Variants in NELL2 observed in about 807,000 individuals in gnomAD.
NELL2 encodes neural EGFL like 2.
Under a neutral mutation model 109.6 loss-of-function variants are expected in NELL2, and 41 were observed. The ratio of observed to expected loss-of-function variants is 0.37; its 90% CI spans 0.29 to 0.49. The LOEUF is 0.49. Among genes scored for constraint, NELL2 ranks in the 20% least tolerant of loss-of-function variants. NELL2 has a pLI of 0.98. For synonymous variants in NELL2, 355 were observed against 344.7 expected (o/e 1.03, Z -0.33); for missense variants, 900 against 1,008.3 (o/e 0.89, Z 1.45).
At chr12:44,554,827 G>A (rs1943182834) in intron 15 of NELL2, among the ~76,000 whole-genome samples, 1 of 152,188 alleles carries the variant, frequency 6.6e-6, no homozygotes, top group Non-Finnish European at 1.5e-5. Flanking sequence ...TGGGAGAATT[G>A]AGGAGGGAGA....
At chr12:44,802,164 C>A (rs1418902380) in intron 3 of NELL2, among the ~76,000 whole-genome samples, 1 of 152,032 alleles carries the variant, frequency 6.6e-6, no homozygotes, top group Non-Finnish European at 1.5e-5. Context: ...TGTGATTGAG[C>A]AAAACTCCTG....
chr12:44,798,740 T>G (rs187893963), intron 3 of NELL2, among the ~76,000 whole-genome samples: 34 of 152,154 alleles, frequency 2.2e-4, no homozygotes, highest in Admixed American at 1.8e-3. Flanking sequence ...GGTATAGTAA[T>G]TAAATTGTGT....
At position 44,693,363 on chromosome 12, in the gene NELL2, C is replaced by T. The variant is rs1948959360; in HGVS notation, c.1318+10363G>A. Among the ~76,000 whole-genome samples, 6 of 152,260 alleles carry T rather than the reference C, an allele frequency of 3.9e-5. No homozygotes were observed. In the South Asian group the frequency reaches 1.2e-3, roughly 32 times the overall value. ...AGTGTAAATATAACTTTTATATGCA[C>T]TGGGAGACAAAACAGTCTATATGAC... On this transcript the variant is annotated intron_variant, in intron 12 of 19. Transcript: ENST00000429094.
intron 2 of NELL2, among the ~76,000 whole-genome samples, chr12:44,839,538 A>G (rs1207573984): frequency 6.6e-6 from 1 of 152,236 alleles, no homozygotes; most frequent in Admixed American, 6.5e-5. Flanking sequence ...CTATCCTAAG[A>G]ATAACAAAAA....
intron 9 of NELL2, among the ~76,000 whole-genome samples, chr12:44,730,272 C>T (rs1306495811): frequency 6.6e-6 from 1 of 152,072 alleles, no homozygotes; most frequent in East Asian, 1.9e-4. Context: ...ACTTGAAAAA[C>T]ACTATAGACT....
At chr12:44,758,141 C>G (rs968056535) in intron 9 of NELL2, among the ~76,000 whole-genome samples, 1 of 152,032 alleles carries the variant, frequency 6.6e-6, no homozygotes, top group Admixed American at 6.6e-5. Context: ...GAGACTGTCC[C>G]AGCTGAGAAT....
At chr12:44,528,718 A>G (rs1346396864) in intron 16 of NELL2, among the ~76,000 whole-genome samples, 2 of 152,222 alleles carry the variant, frequency 1.3e-5, no homozygotes, top group Non-Finnish European at 2.9e-5. Context: ...TACATACTAT[A>G]ATTTCAGGTG....
At chr12:44,736,445 A>T (rs184279807) in intron 9 of NELL2, among the ~76,000 whole-genome samples, 1 of 152,334 alleles carries the variant, frequency 6.6e-6, no homozygotes, top group East Asian at 1.9e-4. Context: ...TCTAAAGGGC[A>T]AAGTAGACAC....
At chr12:44,648,493 A>G (rs543580976) in intron 13 of NELL2, among the ~76,000 whole-genome samples, 26 of 152,002 alleles carry the variant, frequency 1.7e-4, no homozygotes, top group Non-Finnish European at 2.9e-4. Context: ...CTGCTCTACT[A>G]AGGTGTGTGA....
Position 44,566,566 on chromosome 12 carries a change from C to CACACACACACACACACAG in NELL2, c.1664-33846_1664-33845insCTGTGTGTGTGTGTGTGT, listed in dbSNP as rs377368706. 1.5e-3 allele frequency among the ~76,000 whole-genome samples: 214 copies of CACACACACACACACACAG among 138,504 alleles called. 1 individual carries two copies. Among genetic ancestry groups the CACACACACACACACACAG allele is most frequent in the African/African-American group, 5.2e-3 (203 of 38,742 alleles). 90.9% of individuals were successfully genotyped at this position (138,504 alleles called of 152,430 possible). The stretch of plus-strand genomic sequence containing the variant: ...ACACACACACACACACACACACACA[C>CACACACACACACACACAG]AGAGTTTTATGAATAGCAATAGGAG... On this transcript the variant is annotated intron_variant, in intron 15 of 19. Coordinates refer to ENST00000429094, the MANE Select transcript of NELL2 (RefSeq NM_001145108.2).
intron 9 of NELL2, among the ~76,000 whole-genome samples, chr12:44,764,946 C>A (rs999000396): frequency 6.6e-6 from 1 of 152,044 alleles, no homozygotes; most frequent in African/African-American, 2.4e-5. Flanking sequence ...GTTCCATGAA[C>A]CAGCAGTGTT....
At chr12:44,702,505 T>C (rs1345322575) in intron 12 of NELL2, among the ~76,000 whole-genome samples, 1 of 152,202 alleles carries the variant, frequency 6.6e-6, no homozygotes, top group Non-Finnish European at 1.5e-5. Flanking sequence ...TCATGTAGTT[T>C]CATGTTATAC....
rs1004285848 is a variant in NELL2, at chr12:44,699,508, G to A, written c.1318+4218C>T. Among the ~76,000 whole-genome samples the A allele has an allele frequency of 9.2e-5, 14 of 152,140 alleles. No individual in the cohort carries two copies. In the East Asian group the frequency reaches 1.4e-3, roughly 15 times the overall value. Reference sequence around the variant, plus strand: ...GAAGTTAAATGAGAAAAAGTGGGTCGGGCAGAAGAATCCCTTCTTTAGCTT... The same window carrying A: ...GAAGTTAAATGAGAAAAAGTGGGTCAGGCAGAAGAATCCCTTCTTTAGCTT... On this transcript the variant is annotated intron_variant, in intron 12 of 19. Transcript: ENST00000429094.
chr12:44,904,683 C>A (rs1302636400), intron 1 of NELL2, among the ~76,000 whole-genome samples: 1 of 151,976 alleles, frequency 6.6e-6, no homozygotes, highest in East Asian at 1.9e-4. Flanking sequence ...GTTAGCCCAC[C>A]CTAACTAATA....
intron 3 of NELL2, among the ~76,000 whole-genome samples, chr12:44,805,214 A>G (rs1255397399): frequency 6.6e-6 from 1 of 151,940 alleles, no homozygotes. Flanking sequence ...TGCAATTTCA[A>G]TACATACCAA....
chr12:44,852,297 CT>C (rs1188810744), intron 2 of NELL2, among the ~76,000 whole-genome samples: 1 of 152,182 alleles, frequency 6.6e-6, no homozygotes, highest in Non-Finnish European at 1.5e-5. Flanking sequence ...TTACCTACTT[CT>C]TCTATCAAGA....
chr12:44,511,253 G>T (rs1592047277), intron 19 of NELL2, among the ~76,000 whole-genome samples: 1 of 152,222 alleles, frequency 6.6e-6, no homozygotes, highest in Non-Finnish European at 1.5e-5. Flanking sequence ...CATCCTACTT[G>T]GGTTCCAGTT....
chr12:44,598,839 A>T (rs1945073164), intron 15 of NELL2, among the ~76,000 whole-genome samples: 1 of 149,636 alleles, frequency 6.7e-6, no homozygotes, highest in Admixed American at 6.7e-5. Context: ...CCTCAGTTTA[A>T]GAGTAAGAAA....
chr12:44,511,166 T>C (rs1940987026), intron 19 of NELL2, among the ~76,000 whole-genome samples: 1 of 152,198 alleles, frequency 6.6e-6, no homozygotes, highest in Non-Finnish European at 1.5e-5. Context: ...ATATTGGATA[T>C]GTTCTGCTAT....
Sources: allele counts gnomAD v4.1 joint callset (sites outside exome capture counted in the v4.1 genomes callset), GRCh38; gene constraint gnomAD v4.1.1; transcripts MANE v1.5; gene names NCBI Gene and HGNC (gene_info 2026-07-23, HGNC 2026-07-21).